Variants in SUCO observed in about 807,000 individuals in gnomAD.
SUCO encodes SUN domain containing ossification factor.
In SUCO, 57 loss-of-function variants were observed where a neutral mutation model predicts 148.1. The ratio of observed to expected loss-of-function variants is 0.38; its 90% CI spans 0.31 to 0.48. The LOEUF (loss-of-function observed/expected upper bound fraction) is 0.48. Among genes scored for constraint, SUCO ranks in the 20% least tolerant of loss-of-function variants. SUCO has a pLI of 0.96. For synonymous variants in SUCO, 470 were observed against 502.7 expected, an observed-to-expected ratio of 0.93 and a Z score of 0.87; for missense variants, 1,331 against 1,468.2, an observed-to-expected ratio of 0.91 and a Z score of 1.53.
chr1:172,566,484 G>C (rs554596325), intron 6 of SUCO, among the ~76,000 whole-genome samples: 1 of 152,218 alleles, frequency 6.6e-6, no homozygotes, highest in Non-Finnish European at 1.5e-5. Context: ...GCCCAGGAAG[G>C]TTCTTGGCTT....
chr1:172,563,360 T>C (rs2149239779), intron 6 of SUCO, among the ~76,000 whole-genome samples: 1 of 152,274 alleles, frequency 6.6e-6, no homozygotes, highest in East Asian at 1.9e-4. Flanking sequence ...CTGATAGTAA[T>C]ATGGACAGTG....
chr1:172,542,793 T>A (rs1652574465), intron 1 of SUCO: 1 of 985,362 alleles, frequency 1.0e-6, no homozygotes. Flanking sequence ...CCAAGCATAG[T>A]AAAGCTCTGA....
chr1:172,603,811 G>T (rs911408927), intron 22 of SUCO, among the ~76,000 whole-genome samples: 11 of 151,916 alleles, frequency 7.2e-5, no homozygotes, highest in Admixed American at 3.3e-4. Flanking sequence ...TGTAACCATT[G>T]TGAGATTCAC....
chr1:172,609,802 T>C lies in SUCO; in HGVS notation c.3322-14T>C, dbSNP rs777305110. The C allele has an allele frequency of 6.3e-7, 1 of 1,580,226 alleles. No homozygotes were observed. The highest frequency in any genetic ancestry group is 1.9e-5 in the Admixed American group (1 of 51,458). On this transcript the variant is annotated splice_polypyrimidine_tract_variant and intron_variant, in intron 23 of 23. Coordinates refer to ENST00000263688, the MANE Select transcript of SUCO (RefSeq NM_014283.5). ...GAAGTATCATTACTAACTTTTCTTT[T>C]ACTTGTGTTGTAGAAGAAGCGCTGC...
chr1:172,578,199 CA>C, intron 13 of SUCO, 98 bp from the exon 14 acceptor site: 1 of 943,476 alleles, frequency 1.1e-6, no homozygotes. Context: ...CAGTGGCCCT[CA>C]AAATATGACC....
chr1:172,555,901 G>T lies in SUCO; in HGVS notation c.321G>T (p.Val107=), dbSNP rs200232478. Residue 107 remains valine, a synonymous_variant, in exon 4 of 24, where the codon GTG becomes GTT. Transcript: ENST00000263688. ...AGTCAAAAAAGTTAAGTCCACCGGTGGTGGAGACACTCCCTACAGTTGATT... is the reference window on the plus strand; with the variant it reads ...AGTCAAAAAAGTTAAGTCCACCGGTTGTGGAGACACTCCCTACAGTTGATT... ...NTESKKLSPP[V]VETLPTVDLH... is the part of the protein sequence containing the mutation. 60 of 1,612,442 alleles carry T rather than the reference G, an allele frequency of 3.7e-5. No homozygotes were observed. The highest frequency in any genetic ancestry group is 4.8e-5 in the Non-Finnish European group (57 of 1,179,054).
intron 11 of SUCO, among the ~76,000 whole-genome samples, chr1:172,575,844 G>A (rs1571240780): frequency 6.6e-6 from 1 of 151,672 alleles, no homozygotes; most frequent in African/African-American, 2.4e-5. Flanking sequence ...TGTTATTTAT[G>A]GCCCTGATAA....
intron 9 of SUCO, among the ~76,000 whole-genome samples, chr1:172,571,631 C>A (rs1402297310): frequency 7.3e-6 from 1 of 136,794 alleles, no homozygotes; most frequent in Non-Finnish European, 1.6e-5. Flanking sequence ...TCTTCCCTGC[C>A]GCCATCCCAT....
At chr1:172,541,423 G>A (rs183168675) in intron 1 of SUCO, among the ~76,000 whole-genome samples, 3 of 152,258 alleles carry the variant, frequency 2.0e-5, no homozygotes, top group African/African-American at 2.4e-5. Context: ...TGGTATCTTC[G>A]GATCCTGGAT....
chr1:172,562,763 A>G (rs1018449698), intron 6 of SUCO, among the ~76,000 whole-genome samples: 1 of 152,192 alleles, frequency 6.6e-6, no homozygotes, highest in Non-Finnish European at 1.5e-5. Context: ...CAGACCCTCC[A>G]CAACATGCTT....
chr1:172,611,576 T>G lies in SUCO; in HGVS notation c.*1317T>G, dbSNP rs1658217129. On this transcript the variant is annotated 3_prime_UTR_variant, in exon 24 of 24. Coordinates refer to ENST00000263688, the MANE Select transcript of SUCO (RefSeq NM_014283.5). ...TTATTTAACGCCTTTTTTGTTTGTT[T>G]AAGTTGCTGCTTTAGGTTAACAGCG... The G allele has an allele frequency of 6.6e-6, 1 of 152,670 alleles. No individual in the cohort carries two copies. Among genetic ancestry groups the G allele is most frequent in the Admixed American group, 6.5e-5 (1 of 15,270 alleles). 9.5% of individuals were successfully genotyped at this position (152,670 alleles called of 1,614,324 possible).
Position 172,610,184 on chromosome 1 carries a change from G to A in SUCO, c.3690G>A (p.Leu1230=), listed in dbSNP as rs749963585. Residue 1230 remains leucine (L), a synonymous_variant, in exon 24 of 24, where the codon CTG becomes CTA. Coordinates refer to ENST00000263688, the MANE Select transcript of SUCO (RefSeq NM_014283.5). ...IQTKSGSLPS[L]HDIIKGNKEI... ...CTAAGTCGGGATCATTGCCGAGCCT[G>A]CATGACATAATCAAAGGAAACAAAG... The A allele has an allele frequency of 3.7e-6, 6 of 1,613,246 alleles. No individual in the cohort carries two copies. The African/African-American group carries it at 6.7e-5, about 18-fold the overall frequency.
In SUCO at chr1:172,543,797, T is replaced by C. The variant is rs536201736; in HGVS notation, c.63-7715T>C. ...GGACTGTTGATGCAGCCAAATAGAA[T>C]AAAAACTGCAAGGAGAAAGAGGCCC... On this transcript the variant is annotated intron_variant, in intron 1 of 23. Coordinates refer to ENST00000263688, the MANE Select transcript of SUCO (RefSeq NM_014283.5). Among the ~76,000 whole-genome samples, 47 of 152,046 alleles carry C rather than the reference T, an allele frequency of 3.1e-4. No individual in the cohort carries two copies. The South Asian group carries it at 9.6e-3, about 31-fold the overall frequency.
intron 20 of SUCO, 132 bp from the exon 21 acceptor site, chr1:172,601,932 G>A: frequency 1.2e-6 from 1 of 826,070 alleles, no homozygotes; most frequent in Non-Finnish European, 1.7e-6. Context: ...CAAAGAGCAT[G>A]CCCTGCATTT....
intron 16 of SUCO, 43 bp downstream of exon 16, chr1:172,585,129 A>G: frequency 7.2e-7 from 1 of 1,397,340 alleles, no homozygotes; most frequent in African/African-American, 1.4e-5. Context: ...CTGGTACTCC[A>G]GGGATCCTTA....
At chr1:172,602,604 G>C in intron 21 of SUCO, 92 bp from the exon 22 acceptor site, 1 of 1,545,550 alleles carries the variant, frequency 6.5e-7, no homozygotes. Flanking sequence ...GGTATGTACA[G>C]TTCTCAATAA....
chr1:172,533,066 G>A (rs1651712265), upstream of SUCO: 2 of 1,429,526 alleles, frequency 1.4e-6, no homozygotes, highest in Non-Finnish European at 1.8e-6. Flanking sequence ...CGGCCCCGCC[G>A]GCGATTGGCT....
At position 172,533,285 on chromosome 1, in the gene SUCO, G is replaced by A; in HGVS notation, c.-151G>A. On this transcript the variant is annotated 5_prime_UTR_variant, in exon 1 of 24. Coordinates refer to ENST00000263688, the MANE Select transcript of SUCO (RefSeq NM_014283.5). ...CTCAGAGAGGGCTGCCAGGACGCGA[G>A]CCACTGAGGAGCCGCTCAGCCAGCG... The A allele has an allele frequency of 6.5e-7, 1 of 1,549,922 alleles. No individual in the cohort carries two copies. Among genetic ancestry groups the A allele is most frequent in the Admixed American group, 2.0e-5 (1 of 51,006 alleles).
At chr1:172,602,005 C>A in intron 20 of SUCO, 59 bp from the exon 21 acceptor site, 2 of 1,493,010 alleles carry the variant, frequency 1.3e-6, no homozygotes, top group Non-Finnish European at 1.8e-6. Flanking sequence ...TTTAGATACC[C>A]TTATATTTTT....
Sources: gnomAD v4.1 joint callset for allele counts (sites outside exome capture counted in the v4.1 genomes callset) on GRCh38, gnomAD v4.1.1 for gene constraint, MANE v1.5 for transcripts, NCBI Gene and HGNC (gene_info 2026-07-23, HGNC 2026-07-21) for gene names.